The following SORCS1 variants were observed in gnomAD, a reference collection of about 807,000 sequenced individuals.
The protein encoded by SORCS1 is VPS10 domain-containing receptor SorCS1.
A neutral mutation model predicts 146.1 loss-of-function variants in SORCS1; 60 were observed. The observed-to-expected ratio is 0.41, with a 90% CI of 0.33 to 0.51. The LOEUF is 0.51. Among genes scored for constraint, SORCS1 ranks in the 20% least tolerant of loss-of-function variants. The pLI, the probability that SORCS1 is intolerant of heterozygous loss-of-function variation, is 0.21. For synonymous variants in SORCS1, 637 were observed against 584.0 expected (o/e 1.09, Z -1.31); for missense variants, 1,352 against 1,487.6 (o/e 0.91, Z 1.50).
At chr10:106,674,865 A>T (rs1432423280) in intron 14 of SORCS1, among the ~76,000 whole-genome samples, 184 bp downstream of exon 14, 1 of 152,198 alleles carries the variant, frequency 6.6e-6, no homozygotes, top group Non-Finnish European at 1.5e-5. Flanking sequence ...GGTCTCCTAA[A>T]AACTATCAGA....
At chr10:106,857,342 C>T (rs1037296695) in intron 2 of SORCS1, among the ~76,000 whole-genome samples, 1 of 152,224 alleles carries the variant, frequency 6.6e-6, no homozygotes, top group Admixed American at 6.5e-5. Flanking sequence ...CAGAGCCATA[C>T]TGCCAAGGTC....
intron 1 of SORCS1, among the ~76,000 whole-genome samples, chr10:106,981,731 C>G (rs1956253251): frequency 6.6e-6 from 1 of 152,098 alleles, no homozygotes. Flanking sequence ...GGAAAATAAC[C>G]AATATCCAAA....
intron 1 of SORCS1, among the ~76,000 whole-genome samples, chr10:107,068,683 G>A (rs748270247): frequency 2.0e-5 from 3 of 152,056 alleles, no homozygotes; most frequent in Non-Finnish European, 2.9e-5. Context: ...TGGCTAACAC[G>A]GTGAAGCCCC....
intron 1 of SORCS1, among the ~76,000 whole-genome samples, chr10:106,963,188 TC>T (rs1203869686): frequency 3.6e-5 from 5 of 137,712 alleles, no homozygotes; most frequent in Non-Finnish European, 4.6e-5. Flanking sequence ...CGATCTCGGC[TC>T]ACTGCAAGCT....
chr10:107,020,111 A>G (rs1958067576), intron 1 of SORCS1, among the ~76,000 whole-genome samples: 1 of 152,212 alleles, frequency 6.6e-6, no homozygotes, highest in African/African-American at 2.4e-5. Flanking sequence ...AAGTGCTTTT[A>G]CCTCAAATTA....
intron 14 of SORCS1, 138 bp from the exon 15 acceptor site, chr10:106,673,123 C>A: frequency 1.6e-6 from 1 of 615,570 alleles, no homozygotes; most frequent in Non-Finnish European, 2.7e-6. Flanking sequence ...AAAACGCATT[C>A]ATGAAGAGGG....
intron 1 of SORCS1, among the ~76,000 whole-genome samples, chr10:107,150,479 G>C (rs1266735627): frequency 6.6e-6 from 1 of 152,212 alleles, no homozygotes; most frequent in Non-Finnish European, 1.5e-5. Context: ...CTAACCATCT[G>C]ACATGGTTGG....
chr10:106,938,538 C>T (rs1296323061), intron 2 of SORCS1, among the ~76,000 whole-genome samples: 1 of 152,224 alleles, frequency 6.6e-6, no homozygotes, highest in East Asian at 1.9e-4. Context: ...ACCCTGCATC[C>T]TGCAGTCCAG....
intron 1 of SORCS1, among the ~76,000 whole-genome samples, chr10:107,161,425 G>A (rs139652683): frequency 2.0e-5 from 3 of 152,232 alleles, no homozygotes; most frequent in Non-Finnish European, 2.9e-5. Context: ...TCTGGCCCTC[G>A]GGTTTAAATT....
At chr10:107,122,059 A>T (rs914030868) in intron 1 of SORCS1, among the ~76,000 whole-genome samples, 3 of 152,132 alleles carry the variant, frequency 2.0e-5, no homozygotes, top group Non-Finnish European at 4.4e-5. Flanking sequence ...TGTAGATGTG[A>T]CCCTCTGTAC....
chr10:106,904,837 C>T (rs1255728059), intron 2 of SORCS1, among the ~76,000 whole-genome samples: 1 of 152,102 alleles, frequency 6.6e-6, no homozygotes, highest in Non-Finnish European at 1.5e-5. Flanking sequence ...AATTTACTAA[C>T]TTCAAGAAGT....
intron 1 of SORCS1, among the ~76,000 whole-genome samples, chr10:107,108,993 C>G (rs977429734): frequency 2.0e-5 from 3 of 152,208 alleles, no homozygotes; most frequent in Non-Finnish European, 4.4e-5. Flanking sequence ...CTCCTTGTCC[C>G]ACATCCATGG....
chr10:107,125,055 A>C (rs186166950), intron 1 of SORCS1, among the ~76,000 whole-genome samples: 105 of 148,036 alleles, frequency 7.1e-4, no homozygotes, highest in African/African-American at 2.5e-3. Context: ...CAGGTTCAAG[A>C]GATTCCCCTG....
intron 2 of SORCS1, among the ~76,000 whole-genome samples, chr10:106,901,029 A>C (rs7919643): frequency 2.6e-5 from 4 of 152,178 alleles, no homozygotes; most frequent in African/African-American, 7.2e-5. Context: ...AAATGCTCAC[A>C]TATCAGTGGC....
chr10:106,673,026 A>G, intron 14 of SORCS1, 41 bp from the exon 15 acceptor site: 1 of 1,510,828 alleles, frequency 6.6e-7, no homozygotes, highest in Non-Finnish European at 9.2e-7. Context: ...CAATGATAAC[A>G]ATGTAATGAG....
chr10:106,737,491 G>A (rs3982434), intron 5 of SORCS1, among the ~76,000 whole-genome samples: 118,214 of 151,750 alleles, frequency 0.78, 47,000 homozygotes, highest in Non-Finnish European at 0.87. Context: ...TTGGGAGGCC[G>A]AGGTGGGTGG....
intron 15 of SORCS1, among the ~76,000 whole-genome samples, chr10:106,672,356 T>C (rs1851672597): frequency 6.6e-6 from 1 of 152,152 alleles, no homozygotes; most frequent in South Asian, 2.1e-4. Flanking sequence ...AAGTTTCCTA[T>C]TAATAATTCT....
intron 2 of SORCS1, among the ~76,000 whole-genome samples, chr10:106,833,778 CTTT>C (rs1948666727): frequency 7.4e-6 from 1 of 134,654 alleles, no homozygotes. Flanking sequence ...CAATTTCTTT[CTTT>C]TGTTATTATT....
At chr10:106,774,807 G>C (rs12264645) in intron 4 of SORCS1, among the ~76,000 whole-genome samples, 7,133 of 152,236 alleles carry the variant, frequency 0.047, 267 homozygotes, top group East Asian at 0.11. Context: ...TCTCCAGATG[G>C]ATAGAATATT....
Sources: gnomAD v4.1 joint callset for allele counts (sites outside exome capture counted in the v4.1 genomes callset) on GRCh38, gnomAD v4.1.1 for gene constraint, MANE v1.5 for transcripts, NCBI Gene and HGNC (gene_info 2026-07-23, HGNC 2026-07-21) for gene names.